Variants in MDFIC observed in about 807,000 individuals in gnomAD.
MDFIC encodes the protein MyoD family inhibitor domain containing, also known as myoD family inhibitor domain-containing protein.
In MDFIC, 17 loss-of-function variants were observed where a neutral mutation model predicts 23.2. The ratio of observed to expected loss-of-function variants is 0.73; its 90% CI spans 0.50 to 1.10. The LOEUF (loss-of-function observed/expected upper bound fraction) is 1.10, where lower values mean the gene tolerates loss of function less well. MDFIC is among the 50% of genes least tolerant of loss of function. The probability of loss-of-function intolerance (pLI) is 0.00; values close to 1 mark genes in which losing one functional copy is unlikely to be tolerated. For missense variants in MDFIC, 356 were observed against 316.6 expected, an observed-to-expected ratio of 1.12 and a Z score of -0.95; for synonymous variants, 120 against 115.2, an observed-to-expected ratio of 1.04 and a Z score of -0.27.
At chr7:114,951,026 C>CA (rs549267703) in intron 3 of MDFIC, among the ~76,000 whole-genome samples, 1 of 151,952 alleles carries the variant, frequency 6.6e-6, no homozygotes, top group Non-Finnish European at 1.5e-5. Flanking sequence ...AAAACAAACA[C>CA]AAAAAAATCA....
intron 4 of MDFIC, among the ~76,000 whole-genome samples, chr7:115,013,100 C>G (rs1247022159): frequency 6.6e-6 from 1 of 152,116 alleles, no homozygotes; most frequent in Non-Finnish European, 1.5e-5. Flanking sequence ...AGATAAATCT[C>G]AAATACAGGA....
chr7:114,980,126 A>T (rs964059639), intron 4 of MDFIC: 1 of 326,062 alleles, frequency 3.1e-6, no homozygotes, highest in African/African-American at 2.2e-5. Flanking sequence ...CCCTGATGCA[A>T]TATGTTATTC....
chr7:115,011,079 G>A (rs1791672385), intron 4 of MDFIC, among the ~76,000 whole-genome samples: 1 of 152,152 alleles, frequency 6.6e-6, no homozygotes, highest in African/African-American at 2.4e-5. Context: ...CATCAACCCA[G>A]TGTTAGAAGT....
intron 3 of MDFIC, among the ~76,000 whole-genome samples, chr7:114,958,234 G>A (rs1287804190): frequency 1.3e-5 from 2 of 152,112 alleles, no homozygotes; most frequent in Non-Finnish European, 2.9e-5. Context: ...TCACATTGAG[G>A]GAGTTCCTTC....
intron 3 of MDFIC, among the ~76,000 whole-genome samples, chr7:114,951,702 CAA>C (rs1250919234): frequency 6.6e-6 from 1 of 151,644 alleles, no homozygotes; most frequent in Non-Finnish European, 1.5e-5. Context: ...TAAATTAAAA[CAA>C]AAATATTTTA....
intron 3 of MDFIC, among the ~76,000 whole-genome samples, chr7:114,959,441 T>C (rs1204550613): frequency 6.6e-6 from 1 of 152,204 alleles, no homozygotes; most frequent in Non-Finnish European, 1.5e-5. Context: ...AATACAAATA[T>C]GAAAATATTT....
intron 4 of MDFIC, among the ~76,000 whole-genome samples, chr7:114,995,750 C>T (rs568833983): frequency 1.3e-5 from 2 of 152,342 alleles, no homozygotes; most frequent in South Asian, 2.1e-4. Flanking sequence ...TGTCAGTCTG[C>T]CCCTACTGGG....
chr7:115,018,492 CAGTT>C lies in MDFIC; in HGVS notation c.*2559_*2562del, dbSNP rs1358035015. ...TACTTTTCCTCTTGTCTACTCCAGA[CAGTT>C]ATTCCATAAAGCATTTGTATAATTA... On this transcript the variant is annotated 3_prime_UTR_variant, in exon 5 of 5. Transcript: ENST00000393486. 3 of 152,242 alleles carry C rather than the reference CAGTT, an allele frequency of 2.0e-5. No homozygotes were observed. The highest frequency in any genetic ancestry group is 7.3e-5 in the African/African-American group (3 of 41,366). The allele number at this position is 152,242 out of a possible 1,614,324, so 9.4% of individuals were successfully genotyped here. A position where few individuals can be genotyped will look rare whatever the true frequency, so the allele number is the denominator to read the frequency against.
chr7:115,014,676 C>T (rs1222179114), intron 4 of MDFIC: 2 of 499,906 alleles, frequency 4.0e-6, no homozygotes, highest in Non-Finnish European at 5.9e-6. Context: ...TAAAAATTCA[C>T]AACTATTTCT....
intron 4 of MDFIC, among the ~76,000 whole-genome samples, chr7:114,985,446 G>A (rs1401752304): frequency 6.6e-6 from 1 of 151,966 alleles, no homozygotes; most frequent in African/African-American, 2.4e-5. Context: ...AAGGCCAAAG[G>A]ATTTTGTTTT....
intron 3 of MDFIC, among the ~76,000 whole-genome samples, chr7:114,949,923 C>A (rs1446031331): frequency 6.6e-6 from 1 of 152,056 alleles, no homozygotes; most frequent in Non-Finnish European, 1.5e-5. Context: ...GCACAGCACA[C>A]CTACAGTTCT....
chr7:115,010,122 C>T (rs1379981177), intron 4 of MDFIC, among the ~76,000 whole-genome samples: 1 of 152,148 alleles, frequency 6.6e-6, no homozygotes, highest in Admixed American at 6.5e-5. Flanking sequence ...GCAGAGGACC[C>T]ATTTTTTTAA....
chr7:114,969,116 T>C (rs1793156231), intron 3 of MDFIC, among the ~76,000 whole-genome samples: 1 of 152,252 alleles, frequency 6.6e-6, no homozygotes, highest in African/African-American at 2.4e-5. Context: ...TGCATTTCTC[T>C]ACACATAGTA....
At chr7:114,956,128 C>T (rs1792877998) in intron 3 of MDFIC, among the ~76,000 whole-genome samples, 1 of 152,058 alleles carries the variant, frequency 6.6e-6, no homozygotes. Context: ...ACAGTTGTTC[C>T]AAGTTATAAC....
chr7:114,929,060 G>A (rs1380546730), intron 2 of MDFIC, among the ~76,000 whole-genome samples: 4 of 80,860 alleles, frequency 4.9e-5, no homozygotes, highest in Non-Finnish European at 1.2e-4. Flanking sequence ...GATAAATATA[G>A]ATATAGATCT....
At chr7:114,992,043 T>C (rs1252253550) in intron 4 of MDFIC, among the ~76,000 whole-genome samples, 1 of 152,350 alleles carries the variant, frequency 6.6e-6, no homozygotes, top group South Asian at 2.1e-4. Context: ...TGGTTTGTAG[T>C]TCTCCTTGAA....
rs367602602 is a variant in MDFIC, at chr7:114,973,101, G to GTGTATA, written c.218-6404_218-6403insGTATAT. Among the ~76,000 whole-genome samples, 442 of 147,756 alleles carry GTGTATA rather than the reference G, an allele frequency of 3.0e-3. 5 individuals are homozygous for GTGTATA. Among genetic ancestry groups the GTGTATA allele is most frequent in the African/African-American group, 9.1e-3 (367 of 40,258 alleles). ...GGCAGTTTATGTATCGTGTGTGTGT[G>GTGTATA]TATATATATATATATATATATGAAT... On this transcript the variant is annotated intron_variant, in intron 3 of 4. Transcript: ENST00000393486.
chr7:114,933,732 T>G (rs1298586281), intron 2 of MDFIC: 1 of 152,202 alleles, frequency 6.6e-6, no homozygotes, highest in East Asian at 1.9e-4. Flanking sequence ...GAAAAGCCAC[T>G]GAATCAACTG....
intron 3 of MDFIC, among the ~76,000 whole-genome samples, chr7:114,955,488 A>G (rs566311859): frequency 7.9e-5 from 12 of 152,260 alleles, no homozygotes; most frequent in Admixed American, 7.2e-4. Flanking sequence ...CAAAATTGTA[A>G]TACAGGTGTT....
Sources: allele counts gnomAD v4.1 joint callset (sites outside exome capture counted in the v4.1 genomes callset), GRCh38; gene constraint gnomAD v4.1.1; transcripts MANE v1.5; gene names NCBI Gene and HGNC (gene_info 2026-07-23, HGNC 2026-07-21).